EDARADD: variants seen among roughly 807,000 people sequenced by gnomAD.
The protein encoded by EDARADD is ectodysplasin-A receptor-associated adapter protein.
Under a neutral mutation model 25.6 loss-of-function variants are expected in EDARADD, and 20 were observed. The ratio of observed to expected loss-of-function variants is 0.78; its 90% CI spans 0.55 to 1.14. The LOEUF is 1.14. Among genes scored for constraint, EDARADD ranks in the 50% most tolerant of loss-of-function variants. EDARADD has a pLI of 0.00. For synonymous variants in EDARADD, 86 were observed against 94.4 expected, an observed-to-expected ratio of 0.91 and a Z score of 0.52; for missense variants, 225 against 270.1, an observed-to-expected ratio of 0.83 and a Z score of 1.17.
chr1:236,361,371 A>G (rs1044230136), intron 3 of EDARADD, among the ~76,000 whole-genome samples: 2 of 151,920 alleles, frequency 1.3e-5, no homozygotes, highest in African/African-American at 2.4e-5. Flanking sequence ...GCTGGAGTGC[A>G]GTGGCGCGAT....
chr1:236,365,887 G>A (rs938112992), intron 3 of EDARADD, among the ~76,000 whole-genome samples: 1 of 152,050 alleles, frequency 6.6e-6, no homozygotes, highest in African/African-American at 2.4e-5. Context: ...TTTCTGCAAT[G>A]TTTAATCTGC....
At chr1:236,376,623 T>G (rs1452888045) in intron 3 of EDARADD, among the ~76,000 whole-genome samples, 1 of 152,212 alleles carries the variant, frequency 6.6e-6, no homozygotes, top group Non-Finnish European at 1.5e-5. Flanking sequence ...TTCCTACAGT[T>G]TGAACATGAT....
At chr1:236,400,656 G>T (rs948457395) in intron 1 of EDARADD, among the ~76,000 whole-genome samples, 1 of 151,138 alleles carries the variant, frequency 6.6e-6, no homozygotes, top group Admixed American at 6.6e-5. Context: ...CTGGGCTCAA[G>T]CAATCCTCCC....
chr1:236,350,233 G>A (rs1666900323), intron 2 of EDARADD, among the ~76,000 whole-genome samples: 1 of 152,174 alleles, frequency 6.6e-6, no homozygotes, highest in Non-Finnish European at 1.5e-5. Flanking sequence ...CACGTTTTGG[G>A]GTAAAATATT....
rs1367407556 is a variant in EDARADD, at chr1:236,405,739, TTC to T, written c.62-3475_62-3474del. Among the ~76,000 whole-genome samples, 10 of 43,764 alleles carry T rather than the reference TTC, an allele frequency of 2.3e-4. No homozygotes were observed. The South Asian group carries it at 7.6e-3, about 33-fold the overall frequency. 28.7% of individuals were successfully genotyped at this position (43,764 alleles called of 152,430 possible). On this transcript the variant is annotated intron_variant, in intron 1 of 5. Transcript: ENST00000334232. ...CCTTCCTTTCTTTTTCTTTCTTTCT[TTC>T]TTTCTTTCTTTCTTTCTTTCTTTCT... is the stretch of plus-strand genomic sequence containing the variant.
Position 236,395,678 on chromosome 1 carries a change from C to G in EDARADD, c.61+1173C>G. 1 of 1,562,588 alleles carries G rather than the reference C, an allele frequency of 6.4e-7. No individual in the cohort carries two copies. Among genetic ancestry groups the G allele is most frequent in the Middle Eastern group, 1.9e-4 (1 of 5,196 alleles). On this transcript the variant is annotated intron_variant, in intron 1 of 5. Transcript: ENST00000334232. This position sits in a 1 kb window ranked among gnomAD's most constrained non-coding sequence, Gnocchi z 6.9. Reference sequence around the variant, plus strand: ...GCGCGCAGGTAAAGGGACACAGCGCCGCGCCCGCTCCTGGAGCGAGCACCG... The same window carrying G: ...GCGCGCAGGTAAAGGGACACAGCGCGGCGCCCGCTCCTGGAGCGAGCACCG...
chr1:236,363,006 A>AAAATATAT (rs1377112051), intron 3 of EDARADD, among the ~76,000 whole-genome samples: 4 of 42,950 alleles, frequency 9.3e-5, no homozygotes, highest in African/African-American at 3.3e-4. Context: ...AAAAAAAAAA[A>AAAATATAT]ATATATATAT....
intron 3 of EDARADD, among the ~76,000 whole-genome samples, chr1:236,418,960 T>G (rs1234633701): frequency 6.6e-6 from 1 of 152,068 alleles, no homozygotes; most frequent in Non-Finnish European, 1.5e-5. Flanking sequence ...TACAGTAAAC[T>G]AAAAACCAAC....
intron 4 of EDARADD, among the ~76,000 whole-genome samples, chr1:236,431,511 A>G (rs1658093251): frequency 6.6e-6 from 1 of 152,236 alleles, no homozygotes; most frequent in African/African-American, 2.4e-5. Context: ...CATCTACTAG[A>G]ACTATTCAAC....
intron 3 of EDARADD, among the ~76,000 whole-genome samples, chr1:236,424,787 C>T (rs1412472747): frequency 6.6e-6 from 1 of 152,118 alleles, no homozygotes; most frequent in Non-Finnish European, 1.5e-5. Context: ...GTGGTCCAGC[C>T]CAATGGAAGA....
In EDARADD at chr1:236,414,304, G is replaced by C; in HGVS notation, c.160+5G>C. On this transcript the variant is annotated splice_donor_5th_base_variant and intron_variant, in intron 3 of 5. Transcript: ENST00000334232. ...AAGATACGGAACTCCCTAAAGGTAT[G>C]TACAGTTAAAATAACTACTTGAACA... is the stretch of plus-strand genomic sequence containing the variant. 6.2e-7 allele frequency: 1 copy of C among 1,605,900 alleles called. No individual in the cohort carries two copies. Among genetic ancestry groups the C allele is most frequent in the Non-Finnish European group, 8.5e-7 (1 of 1,172,974 alleles).
intron 5 of EDARADD, among the ~76,000 whole-genome samples, chr1:236,481,061 A>G (rs1420852671): frequency 6.8e-6 from 1 of 146,196 alleles, no homozygotes; most frequent in Non-Finnish European, 1.6e-5. Context: ...TAAGGGGGCC[A>G]TAAATTTAAA....
chr1:236,472,381 G>A (rs1423132820), intron 5 of EDARADD, among the ~76,000 whole-genome samples: 1 of 152,104 alleles, frequency 6.6e-6, no homozygotes, highest in Non-Finnish European at 1.5e-5. Flanking sequence ...AAATTCCCAC[G>A]TCCTCCCTGC....
exon 3 of EDARADD, chr1:236,350,792 C>G (rs1005912698): frequency 6.6e-6 from 1 of 152,236 alleles, no homozygotes; most frequent in African/African-American, 2.4e-5. Flanking sequence ...TTCAGTCATG[C>G]CTGCCTCCAG....
intron 4 of EDARADD, among the ~76,000 whole-genome samples, chr1:236,466,981 G>T (rs1426767063): frequency 6.6e-6 from 1 of 152,002 alleles, no homozygotes; most frequent in African/African-American, 2.4e-5. Flanking sequence ...GCAGGAGAAT[G>T]GCGTGAACCC....
chr1:236,406,421 C>T lies in EDARADD; in HGVS notation c.62-2795C>T, dbSNP rs1253815878. Among the ~76,000 whole-genome samples, 7 of 152,282 alleles carry T rather than the reference C, an allele frequency of 4.6e-5. No individual in the cohort carries two copies. The East Asian group carries it at 1.4e-3, about 29-fold the overall frequency. ...ACTACATGGTTTCGTAGTTGGTGAG[C>T]GTCATAGAGTTCACTTACACAAACC... On this transcript the variant is annotated intron_variant, in intron 1 of 5. Coordinates refer to ENST00000334232, the MANE Select transcript of EDARADD (RefSeq NM_145861.4).
chr1:236,483,743 G>T lies in EDARADD; in HGVS notation c.*1094G>T. The stretch of plus-strand genomic sequence containing the variant: ...GAGCGGAGGTTTACCACAGCCTGAA[G>T]AATGTCATCAAGGAGAAATATGGGA... On this transcript the variant is annotated 3_prime_UTR_variant, in exon 6 of 6. Coordinates refer to ENST00000334232, the MANE Select transcript of EDARADD (RefSeq NM_145861.4). The T allele has an allele frequency of 6.6e-7, 1 of 1,510,896 alleles. No individual in the cohort carries two copies. The highest frequency in any genetic ancestry group is 9.2e-7 in the Non-Finnish European group (1 of 1,087,902). 93.6% of individuals were successfully genotyped at this position (1,510,896 alleles called of 1,614,324 possible). A position where few individuals can be genotyped will look rare whatever the true frequency, so the allele number is the denominator to read the frequency against.
At chr1:236,368,840 T>C (rs1667142566) in intron 3 of EDARADD, among the ~76,000 whole-genome samples, 1 of 152,236 alleles carries the variant, frequency 6.6e-6, no homozygotes. Flanking sequence ...TTTTAAGCTT[T>C]ATAGTACTTG....
chr1:236,471,805 A>G (rs1464631417), intron 5 of EDARADD, among the ~76,000 whole-genome samples: 5 of 152,190 alleles, frequency 3.3e-5, no homozygotes, highest in Non-Finnish European at 7.3e-5. Flanking sequence ...TGTGCAAGAT[A>G]AAAGGGCACC....
Sources: allele counts gnomAD v4.1 joint callset (sites outside exome capture counted in the v4.1 genomes callset), GRCh38; gene constraint gnomAD v4.1.1; non-coding constraint Gnocchi (gnomAD v3.1); transcripts MANE v1.5; gene names NCBI Gene and HGNC (gene_info 2026-07-23, HGNC 2026-07-21).